SWT1: variants seen among roughly 807,000 people sequenced by gnomAD.
SWT1 encodes the protein SWT1 RNA endoribonuclease homolog.
Under a neutral mutation model 107.3 loss-of-function variants are expected in SWT1, and 33 were observed. The observed-to-expected ratio is 0.31, with a 90% CI of 0.23 to 0.41. The LOEUF is 0.41. Ranked by LOEUF, SWT1 falls within the 10% of genes least tolerant of loss-of-function variation. The pLI, the probability that SWT1 is intolerant of heterozygous loss-of-function variation, is 1.00. For missense variants in SWT1, 898 were observed against 1,028.9 expected (o/e 0.87, Z 1.74); for synonymous variants, 345 against 348.3 (o/e 0.99, Z 0.11).
intron 3 of SWT1, among the ~76,000 whole-genome samples, 168 bp from the exon 4 acceptor site, chr1:185,168,172 C>T (rs1029105457): frequency 1.3e-5 from 2 of 152,064 alleles, no homozygotes; most frequent in African/African-American, 4.8e-5. Flanking sequence ...AAGGAAGATG[C>T]CTACCTCTGT....
rs973404461 is a variant in SWT1, at chr1:185,175,154, A to T, written c.966+41A>T. On this transcript the variant is annotated intron_variant, in intron 5 of 18. Coordinates refer to ENST00000367500, the MANE Select transcript of SWT1 (RefSeq NM_017673.7). Reference sequence around the variant, plus strand: ...ATGAAGAATATAGGTTTTAACTGAGAGTTTATTAATATAGTTAAGTTTTTT... The same window carrying T: ...ATGAAGAATATAGGTTTTAACTGAGTGTTTATTAATATAGTTAAGTTTTTT... 5.2e-6 allele frequency: 7 copies of T among 1,350,788 alleles called. No homozygotes were observed. In the African/African-American group the frequency reaches 1.1e-4, roughly 20 times the overall value. 83.7% of individuals were successfully genotyped at this position (1,350,788 alleles called of 1,614,324 possible).
At chr1:185,278,415 T>C (rs1305927979) in intron 18 of SWT1, among the ~76,000 whole-genome samples, 1 of 152,146 alleles carries the variant, frequency 6.6e-6, no homozygotes, top group Admixed American at 6.6e-5. Context: ...CTTCCCAGCC[T>C]CCAGAACTGT....
chr1:185,252,609 G>A (rs1391344404), intron 16 of SWT1, among the ~76,000 whole-genome samples: 32 of 151,906 alleles, frequency 2.1e-4, no homozygotes, highest in East Asian at 1.4e-3. Flanking sequence ...CATGTCCTTC[G>A]CCCACTTTTT....
At chr1:185,248,150 A>G (rs573073213) in intron 16 of SWT1, among the ~76,000 whole-genome samples, 1 of 152,324 alleles carries the variant, frequency 6.6e-6, no homozygotes, top group South Asian at 2.1e-4. Flanking sequence ...TGACCCTGTA[A>G]TGTATTTCCC....
chr1:185,265,257 T>A (rs1193526027), intron 16 of SWT1, among the ~76,000 whole-genome samples: 1 of 152,198 alleles, frequency 6.6e-6, no homozygotes, highest in African/African-American at 2.4e-5. Context: ...GCTTAAATTG[T>A]TTAATTGTTC....
intron 10 of SWT1, among the ~76,000 whole-genome samples, chr1:185,198,449 C>T (rs1193480483): frequency 6.6e-6 from 1 of 152,112 alleles, no homozygotes; most frequent in African/African-American, 2.4e-5. Flanking sequence ...CTTAGGTCCA[C>T]CTGGTCCAGA....
chr1:185,258,724 A>G (rs1039874302), intron 16 of SWT1, among the ~76,000 whole-genome samples: 2 of 151,962 alleles, frequency 1.3e-5, no homozygotes, highest in Non-Finnish European at 2.9e-5. Context: ...TTTCTCCTGA[A>G]TGCTTTCAAG....
intron 5 of SWT1, among the ~76,000 whole-genome samples, chr1:185,177,743 T>C (rs1334782639): frequency 1.3e-5 from 2 of 152,208 alleles, no homozygotes; most frequent in South Asian, 2.1e-4. Context: ...ATAACTCTTT[T>C]GTTTCTTAGG....
chr1:185,277,272 A>G (rs538468544), intron 18 of SWT1, among the ~76,000 whole-genome samples: 27 of 151,906 alleles, frequency 1.8e-4, no homozygotes, highest in African/African-American at 6.3e-4. Context: ...TTATTTGTTT[A>G]TTTATTTGTT....
At chr1:185,198,329 T>C (rs1034970465) in intron 10 of SWT1, among the ~76,000 whole-genome samples, 1 of 152,236 alleles carries the variant, frequency 6.6e-6, no homozygotes, top group Non-Finnish European at 1.5e-5. Context: ...TACATTCTTT[T>C]GCATTTGCTG....
chr1:185,168,447 C>G, intron 4 of SWT1, 49 bp downstream of exon 4: 1 of 1,221,520 alleles, frequency 8.2e-7, no homozygotes, highest in Non-Finnish European at 1.1e-6. Context: ...AATTATGAGA[C>G]TAAATATTTG....
At chr1:185,272,561 G>A (rs185733662) in intron 17 of SWT1, among the ~76,000 whole-genome samples, 35 of 152,228 alleles carry the variant, frequency 2.3e-4, no homozygotes, top group African/African-American at 8.4e-4. Flanking sequence ...CAAACTACCC[G>A]TGCTTAAATG....
At position 185,174,617 on chromosome 1, in the gene SWT1, C is replaced by T. The variant is rs1655380038; in HGVS notation, c.470C>T (p.Ala157Val). ...GIKSLSSPKI[A>V]SDVKPKAEGQ... Reference sequence around the variant, plus strand: ...AAAAGCCTTAGTAGTCCTAAGATTGCCAGTGATGTGAAACCTAAAGCCGAA... The same window carrying T: ...AAAAGCCTTAGTAGTCCTAAGATTGTCAGTGATGTGAAACCTAAAGCCGAA... The change falls in exon 5 of 19, where the codon GCC becomes GTC. Residue 157 changes from alanine (A) to valine (V), a missense_variant. By Grantham distance (64) the Ala-to-Val change is moderately conservative (BLOSUM62 0). This residue lies in a region of SWT1 where 382 missense variants were observed against 362.4 expected (regional missense o/e 1.05). Coordinates refer to ENST00000367500, the MANE Select transcript of SWT1 (RefSeq NM_017673.7). 6.2e-7 allele frequency: 1 copy of T among 1,611,514 alleles called. No homozygotes were observed. Among genetic ancestry groups the T allele is most frequent in the Non-Finnish European group, 8.5e-7 (1 of 1,179,394 alleles).
intron 7 of SWT1, 123 bp downstream of exon 7, chr1:185,182,180 A>T (rs1212532418): frequency 1.0e-6 from 1 of 964,758 alleles, no homozygotes; most frequent in African/African-American, 1.6e-5. Context: ...AATGAATGAT[A>T]AAGTAATAGT....
At chr1:185,203,177 G>A (rs1658023160) in intron 11 of SWT1, among the ~76,000 whole-genome samples, 1 of 152,108 alleles carries the variant, frequency 6.6e-6, no homozygotes, top group African/African-American at 2.4e-5. Flanking sequence ...AGTTATAGGA[G>A]ATATTTAGTT....
intron 18 of SWT1, 73 bp from the exon 19 acceptor site, chr1:185,290,601 A>C (rs1197355198): frequency 8.7e-7 from 1 of 1,152,432 alleles, no homozygotes; most frequent in African/African-American, 1.6e-5. Context: ...TAAAATGTAA[A>C]ATAAAATGAA....
intron 16 of SWT1, among the ~76,000 whole-genome samples, chr1:185,249,021 T>C (rs1661813035): frequency 6.6e-6 from 1 of 152,194 alleles, no homozygotes. Flanking sequence ...TAGACTCATC[T>C]TGGAAATTCT....
intron 1 of SWT1, among the ~76,000 whole-genome samples, chr1:185,160,182 A>G (rs1654021815): frequency 6.6e-6 from 1 of 152,252 alleles, no homozygotes; most frequent in Admixed American, 6.5e-5. Flanking sequence ...GAAACTTATG[A>G]CTAATTGGCT....
chr1:185,216,956 AAAAAAAAAAG>A (rs1052317606), intron 14 of SWT1, among the ~76,000 whole-genome samples: 1 of 151,538 alleles, frequency 6.6e-6, no homozygotes, highest in Non-Finnish European at 1.5e-5. Context: ...CATTTCAAAA[AAAAAAAAAAG>A]AAAAGAAAAG....
Sources: allele counts gnomAD v4.1 joint callset (sites outside exome capture counted in the v4.1 genomes callset), GRCh38; gene constraint gnomAD v4.1.1; regional missense constraint gnomAD v4.1.1; transcripts MANE v1.5; gene names NCBI Gene and HGNC (gene_info 2026-07-23, HGNC 2026-07-21).